Variants in ASXL1 observed in about 807,000 individuals in gnomAD.
ASXL1 encodes ASXL transcriptional regulator 1.
Under a neutral mutation model 89.1 loss-of-function variants are expected in ASXL1, and 65 were observed. The ratio of observed to expected loss-of-function variants is 0.73; its 90% CI spans 0.60 to 0.90. The LOEUF (loss-of-function observed/expected upper bound fraction) is 0.90, where lower values mean the gene tolerates loss of function less well. ASXL1 is among the 40% of genes least tolerant of loss of function. The probability of loss-of-function intolerance (pLI) is 0.00; values close to 1 mark genes in which losing one functional copy is unlikely to be tolerated. For missense variants in ASXL1, 1,786 were observed against 1,942.9 expected (o/e 0.92, Z 1.52); for synonymous variants, 739 against 746.9 (o/e 0.99, Z 0.17).
At chr20:32,403,877 CT>C (rs59499955) in intron 4 of ASXL1, among the ~76,000 whole-genome samples, 147 of 146,888 alleles carry the variant, frequency 1.0e-3, no homozygotes, top group African/African-American at 3.2e-3. Flanking sequence ...TTTAGGTTGT[CT>C]TTTTTTTTTA....
chr20:32,388,593 AT>A (rs1311921318), intron 4 of ASXL1, among the ~76,000 whole-genome samples: 1 of 152,230 alleles, frequency 6.6e-6, no homozygotes, highest in African/African-American at 2.4e-5. Flanking sequence ...CATTCCTAGG[AT>A]AAATGGTACT....
chr20:32,387,142 AC>A (rs2048593325), intron 4 of ASXL1, among the ~76,000 whole-genome samples: 1 of 152,072 alleles, frequency 6.6e-6, no homozygotes, highest in Non-Finnish European at 1.5e-5. Flanking sequence ...TACTAAAAAA[AC>A]AAAAAAACAA....
chr20:32,402,271 T>A (rs1293267419), intron 4 of ASXL1, among the ~76,000 whole-genome samples: 1 of 152,154 alleles, frequency 6.6e-6, no homozygotes, highest in Non-Finnish European at 1.5e-5. Context: ...TTGTGGTTGG[T>A]CTCCAACTCC....
chr20:32,368,033 G>A (rs962368845), intron 3 of ASXL1, among the ~76,000 whole-genome samples: 4 of 152,106 alleles, frequency 2.6e-5, no homozygotes, highest in Non-Finnish European at 4.4e-5. Flanking sequence ...ATAAGTAATA[G>A]TTTTTTAATG....
chr20:32,389,617 G>A (rs374766518), intron 4 of ASXL1, among the ~76,000 whole-genome samples: 2 of 151,920 alleles, frequency 1.3e-5, no homozygotes, highest in South Asian at 2.1e-4. Context: ...ACAGAGTCTC[G>A]CTCTGTTGTC....
At position 32,429,146 on chromosome 20, in the gene ASXL1, A is replaced by G. The variant is rs1467841733; in HGVS notation, c.472-192A>G. 1.6e-6 allele frequency: 1 copy of G among 634,638 alleles called. No homozygotes were observed. Among genetic ancestry groups the G allele is most frequent in the Non-Finnish European group, 2.8e-6 (1 of 355,236 alleles). The allele number at this position is 634,638 out of a possible 1,614,324, so 39.3% of individuals were successfully genotyped here. A position where few individuals can be genotyped will look rare whatever the true frequency, so the allele number is the denominator to read the frequency against. ...ATAACAGTACATTTTTGTAGCTTGGAATGATGCTTGGCACAGTGACCAGCA... is the reference window on the plus strand; with the variant it reads ...ATAACAGTACATTTTTGTAGCTTGGGATGATGCTTGGCACAGTGACCAGCA... On this transcript the variant is annotated intron_variant, in intron 6 of 12. Coordinates refer to ENST00000375687, the MANE Select transcript of ASXL1 (RefSeq NM_015338.6). This position sits in a 1 kb window ranked among gnomAD's most constrained non-coding sequence, Gnocchi z 4.9.
chr20:32,391,031 G>C (rs1453995926), intron 4 of ASXL1, among the ~76,000 whole-genome samples: 1 of 151,916 alleles, frequency 6.6e-6, no homozygotes, highest in African/African-American at 2.4e-5. Context: ...GGGACTGCAG[G>C]CGCACACCAC....
In ASXL1 at chr20:32,433,672, G is replaced by C. The variant is rs145913172; in HGVS notation, c.1474G>C (p.Ala492Pro). The C allele has an allele frequency of 3.5e-5, 56 of 1,611,522 alleles. No homozygotes were observed. In the African/African-American group the frequency reaches 5.7e-4, roughly 17 times the overall value. ...TGAGTCTGTGGCTTCTCGGATCCAG[G>C]CTGAGCCAGACAACTTGGCACGTGC... is the stretch of plus-strand genomic sequence containing the variant. ...PVESVASRIQAEPDNLARASA... is the reference protein window; with the variant it reads ...PVESVASRIQPEPDNLARASA... The change falls in exon 12 of 13, where the codon GCT becomes CCT. Residue 492 changes from alanine to proline, a missense_variant. Physicochemically the swap from Ala to Pro is conservative, Grantham distance 27 (BLOSUM62 -1). This residue lies in a region of ASXL1 where 1,418 missense variants were observed against 1,427.8 expected (regional missense o/e 0.99). Transcript: ENST00000375687.
At position 32,433,587 on chromosome 20, in the gene ASXL1, T is replaced by TC. The variant is rs2011605261; in HGVS notation, c.1393dup (p.His465ProfsTer20). The TC allele has an allele frequency of 6.2e-7, 1 of 1,613,948 alleles. No individual in the cohort carries two copies. On this transcript the variant is annotated frameshift_variant, in exon 12 of 13. Coordinates refer to ENST00000375687, the MANE Select transcript of ASXL1 (RefSeq NM_015338.6). LOFTEE classifies it high-confidence loss of function. ...AGACTGACCCAGCAGGGCTGAGCAG[T>TC]CCCCATCTGCCAGGCACATCCTCTG... is the stretch of plus-strand genomic sequence containing the variant.
Position 32,431,562 on chromosome 20 carries a change from T to G in ASXL1, c.883-21T>G, listed in dbSNP as rs372610206. 28 of 1,614,152 alleles carry G rather than the reference T, an allele frequency of 1.7e-5. No homozygotes were observed. The South Asian group carries it at 3.0e-4, about 17-fold the overall frequency. ...TTTTAAGTTTATTTATTAGGATTTTTTTCCCCCTTGATCCTTCTAGGTGGG... is the reference window on the plus strand; with the variant it reads ...TTTTAAGTTTATTTATTAGGATTTTGTTCCCCCTTGATCCTTCTAGGTGGG... On this transcript the variant is annotated intron_variant, in intron 9 of 12. Coordinates refer to ENST00000375687, the MANE Select transcript of ASXL1 (RefSeq NM_015338.6).
chr20:32,371,004 G>A (rs1265729157), intron 4 of ASXL1, among the ~76,000 whole-genome samples: 3 of 149,036 alleles, frequency 2.0e-5, no homozygotes, highest in Non-Finnish European at 3.0e-5. Flanking sequence ...GCGTGGTGGT[G>A]TGTGTGCTTA....
chr20:32,435,776 G>A lies in ASXL1; in HGVS notation c.3064G>A (p.Ala1022Thr). The change falls in exon 13 of 13, where the codon GCA (alanine) becomes ACA (threonine). Residue 1022 changes from alanine (A) to threonine (T), a missense_variant. Ala to Thr is a moderately conservative substitution (Grantham distance 58). Around this residue, in one of 3 missense-constraint regions of ASXL1, gnomAD observed 1,418 missense variants for 1,427.8 expected, o/e 0.99. Coordinates refer to ENST00000375687, the MANE Select transcript of ASXL1 (RefSeq NM_015338.6). ...DSSEADTREA[A>T]VTKGSSVDKD... is the part of the protein sequence containing the mutation. ...CAGTGAGGCTGACACTAGAGAAGCTGCAGTGACAAAGGGATCTTCGGTGGA... is the reference window on the plus strand; with the variant it reads ...CAGTGAGGCTGACACTAGAGAAGCTACAGTGACAAAGGGATCTTCGGTGGA... The A allele has an allele frequency of 1.9e-6, 3 of 1,614,230 alleles. No homozygotes were observed. Among genetic ancestry groups the A allele is most frequent in the Non-Finnish European group, 2.5e-6 (3 of 1,180,048 alleles).
chr20:32,399,025 C>T (rs960566288), intron 4 of ASXL1, among the ~76,000 whole-genome samples: 2 of 151,880 alleles, frequency 1.3e-5, no homozygotes, highest in African/African-American at 4.8e-5. Context: ...GCCTGGCCAA[C>T]ACAGTGAAAC....
intron 4 of ASXL1, among the ~76,000 whole-genome samples, chr20:32,421,973 A>G (rs148352402): frequency 0.026 from 3,745 of 142,886 alleles, 150 homozygotes; most frequent in African/African-American, 0.09. Flanking sequence ...GGTTCATGCC[A>G]TTCTCCTGCC....
At chr20:32,367,922 G>A (rs2048233468) in intron 3 of ASXL1, among the ~76,000 whole-genome samples, 193 bp downstream of exon 3, 1 of 152,212 alleles carries the variant, frequency 6.6e-6, no homozygotes, top group Non-Finnish European at 1.5e-5. Context: ...TAGCAGAGAT[G>A]CTAGCACACC....
In ASXL1 at chr20:32,377,943, G is replaced by A. The variant is rs144654438; in HGVS notation, c.252+8820G>A. ...CCTGGGATTACAGGTGTGAACCACC[G>A]CACCTGGCCCCAAAATAAAGTTTTG... On this transcript the variant is annotated intron_variant, in intron 4 of 12. Coordinates refer to ENST00000375687, the MANE Select transcript of ASXL1 (RefSeq NM_015338.6). Among the ~76,000 whole-genome samples, 65 of 142,060 alleles carry A rather than the reference G, an allele frequency of 4.6e-4. No individual in the cohort carries two copies. The East Asian group carries it at 9.0e-3, about 20-fold the overall frequency. 93.2% of individuals were successfully genotyped at this position (142,060 alleles called of 152,430 possible).
At chr20:32,400,109 A>AG (rs2048847716) in intron 4 of ASXL1, among the ~76,000 whole-genome samples, 1 of 151,660 alleles carries the variant, frequency 6.6e-6, no homozygotes, top group East Asian at 1.9e-4. Context: ...GTTTAAAAAA[A>AG]AATCTTTCCT....
At chr20:32,431,757 C>T in intron 10 of ASXL1, 78 bp downstream of exon 10, 8 of 1,432,252 alleles carry the variant, frequency 5.6e-6, no homozygotes, top group Non-Finnish European at 7.8e-6. Flanking sequence ...TATTTAAAAC[C>T]CAAGCTCGCT....
intron 4 of ASXL1, among the ~76,000 whole-genome samples, chr20:32,373,769 G>A (rs1026312490): frequency 1.3e-5 from 2 of 151,994 alleles, no homozygotes; most frequent in African/African-American, 4.8e-5. Context: ...TGGGGAGGCT[G>A]AGGCTGGAGA....
Sources: allele counts gnomAD v4.1 joint callset (sites outside exome capture counted in the v4.1 genomes callset), GRCh38; gene constraint gnomAD v4.1.1; regional missense constraint gnomAD v4.1.1; non-coding constraint Gnocchi (gnomAD v3.1); transcripts MANE v1.5; gene names NCBI Gene and HGNC (gene_info 2026-07-23, HGNC 2026-07-21).